The following TDRD12 variants were observed in gnomAD, a reference collection of about 807,000 sequenced individuals.
TDRD12 encodes putative ATP-dependent RNA helicase TDRD12.
In TDRD12, 158 loss-of-function variants were observed where a neutral mutation model predicts 133.5. The ratio of observed to expected loss-of-function variants is 1.18; its 90% CI spans 1.04 to 1.35. TDRD12 has a LOEUF of 1.35. Ranked by LOEUF, TDRD12 falls within the 40% of genes most tolerant of loss-of-function variation. The probability of loss-of-function intolerance (pLI) is 0.00; values close to 1 mark genes in which losing one functional copy is unlikely to be tolerated. For synonymous variants in TDRD12, 460 were observed against 477.9 expected, an observed-to-expected ratio of 0.96 and a Z score of 0.49; for missense variants, 1,443 against 1,321.3, an observed-to-expected ratio of 1.09 and a Z score of -1.43.
intron 10 of TDRD12, among the ~76,000 whole-genome samples, chr19:32,775,553 C>T (rs1970557724): frequency 6.6e-6 from 1 of 152,140 alleles, no homozygotes; most frequent in Non-Finnish European, 1.5e-5. Flanking sequence ...GGCTGGTCTC[C>T]AACTCCTGAG....
intron 2 of TDRD12, among the ~76,000 whole-genome samples, chr19:32,734,561 C>T (rs1276898253): frequency 3.3e-5 from 5 of 151,850 alleles, no homozygotes; most frequent in Non-Finnish European, 7.4e-5. Context: ...TTTGTGGTGA[C>T]AGGGTTTCGC....
chr19:32,727,231 C>T (rs185688192), intron 1 of TDRD12, among the ~76,000 whole-genome samples: 13 of 152,242 alleles, frequency 8.5e-5, no homozygotes, highest in South Asian at 4.1e-4. Context: ...GTATGTTGAG[C>T]GCCTTTTCAT....
rs114712047 is a variant in TDRD12 at position 32,798,270 on chromosome 19, G to A, written c.1631-38G>A. 2.6e-4 allele frequency: 390 copies of A among 1,514,132 alleles called. 1 individual carries two copies. The African/African-American group carries it at 4.6e-3, about 18-fold the overall frequency. 93.8% of individuals were successfully genotyped at this position (1,514,132 alleles called of 1,614,324 possible). On this transcript the variant is annotated intron_variant, in intron 15 of 27. Coordinates refer to ENST00000444215, the Ensembl canonical transcript of TDRD12. The stretch of plus-strand genomic sequence containing the variant: ...CAGAGGAAATCTTAGAAAAACCTGT[G>A]GAAAATTGAAAATGTTCACTTTTTT...
downstream of TDRD12, chr19:32,829,510 C>T (rs1481513773): frequency 1.3e-5 from 2 of 152,204 alleles, no homozygotes; most frequent in Non-Finnish European, 2.9e-5. Flanking sequence ...TCTAAAATCG[C>T]TCATGCTTAG....
At chr19:32,811,482 C>T (rs2145730070) in intron 24 of TDRD12, 62 bp downstream of exon 24, 6 of 1,407,192 alleles carry the variant, frequency 4.3e-6, no homozygotes, top group Non-Finnish European at 5.8e-6. Flanking sequence ...CGAGAATATA[C>T]ACAGAATTGA....
downstream of TDRD12, chr19:32,829,453 G>A (rs543038565): frequency 6.6e-6 from 1 of 152,258 alleles, no homozygotes; most frequent in African/African-American, 2.4e-5. Context: ...TTCAAGTTTT[G>A]GTCAAATATC....
At chr19:32,774,192 C>G (rs999679434) in intron 10 of TDRD12, among the ~76,000 whole-genome samples, 1 of 152,200 alleles carries the variant, frequency 6.6e-6, no homozygotes, top group South Asian at 2.1e-4. Flanking sequence ...CCCCTCGTGT[C>G]GTGGACTTTA....
intron 1 of TDRD12, among the ~76,000 whole-genome samples, chr19:32,724,381 C>A (rs1400869588): frequency 6.6e-6 from 1 of 152,050 alleles, no homozygotes; most frequent in Non-Finnish European, 1.5e-5. Context: ...ACTCTCCCTC[C>A]CCTCTGTCCC....
chr19:32,798,926 T>C (rs1971307264), intron 16 of TDRD12, among the ~76,000 whole-genome samples: 1 of 152,240 alleles, frequency 6.6e-6, no homozygotes, highest in Non-Finnish European at 1.5e-5. Flanking sequence ...CACCGCTTCC[T>C]GTTCCACAGC....
exon 9 of TDRD12, chr19:32,826,517 A>G (rs1967595140): frequency 4.8e-6 from 6 of 1,251,038 alleles, no homozygotes; most frequent in South Asian, 3.8e-5. Flanking sequence ...ATGACTGCCA[A>G]TGTGTGATTA....
At position 32,745,672 on chromosome 19, in the gene TDRD12, A is replaced by T. The variant is rs149207501; in HGVS notation, c.440+2772A>T. Among the ~76,000 whole-genome samples the T allele has an allele frequency of 6.1e-3, 854 of 141,110 alleles. 10 individuals are homozygous for T. Among genetic ancestry groups the T allele is most frequent in the African/African-American group, 0.022 (785 of 35,560 alleles). The allele number at this position is 141,110 out of a possible 152,430, so 92.6% of individuals were successfully genotyped here. A position where few individuals can be genotyped will look rare whatever the true frequency, so the allele number is the denominator to read the frequency against. On this transcript the variant is annotated intron_variant, in intron 4 of 27. Transcript: ENST00000444215. The stretch of plus-strand genomic sequence containing the variant: ...CTGATGTGGTTATTCTGTGTGTGTG[A>T]GAGAGAGGGAGAGACTGGCTGATGT...
intron 26 of TDRD12, among the ~76,000 whole-genome samples, chr19:32,817,292 C>T (rs1967212846): frequency 1.3e-5 from 2 of 152,068 alleles, no homozygotes. Context: ...CCAGAGTCCA[C>T]CCCCCGCCCA....
rs1255805958 is a variant in TDRD12, at chr19:32,790,984, G to A, written c.1203G>A (p.Leu401=). The A allele has an allele frequency of 3.3e-6, 5 of 1,535,922 alleles. No homozygotes were observed. The East Asian group carries it at 1.2e-4, about 38-fold the overall frequency. Reference sequence around the variant, plus strand: ...CTCAGTTGCAGAAGCTGAAGGGCCTGCAGCCGCCCGTGGTAGTGCTCCGGA... The same window carrying A: ...CTCAGTTGCAGAAGCTGAAGGGCCTACAGCCGCCCGTGGTAGTGCTCCGGA... The change falls in exon 13 of 28, where the codon CTG becomes CTA. Residue 401 remains leucine (L), a synonymous_variant. Coordinates refer to ENST00000444215, the Ensembl canonical transcript of TDRD12.
intron 1 of TDRD12, among the ~76,000 whole-genome samples, chr19:32,723,229 A>G (rs1356292070): frequency 6.6e-6 from 1 of 151,598 alleles, no homozygotes; most frequent in Non-Finnish European, 1.5e-5. Flanking sequence ...ACACTGTCTT[A>G]TTACTGTAGC....
chr19:32,777,645 CA>C (rs1318450520), intron 11 of TDRD12, among the ~76,000 whole-genome samples: 1 of 151,146 alleles, frequency 6.6e-6, no homozygotes, highest in Non-Finnish European at 1.5e-5. Context: ...AAAATATTTA[CA>C]TAGCAATTTT....
At position 32,723,273 on chromosome 19, in the gene TDRD12, C is replaced by T. The variant is rs956290650; in HGVS notation, c.24+3177C>T. 9.9e-5 allele frequency among the ~76,000 whole-genome samples: 15 copies of T among 151,092 alleles called. No individual in the cohort carries two copies. In the East Asian group the frequency reaches 1.4e-3, roughly 14 times the overall value. On this transcript the variant is annotated intron_variant, in intron 1 of 27. Coordinates refer to ENST00000444215, the Ensembl canonical transcript of TDRD12. The stretch of plus-strand genomic sequence containing the variant: ...TAACTATTTTGTTTTTTTTTTGAGA[C>T]GGAGTCTTGCTCTGTCCCCCAGGCT...
rs373893635 is a variant in TDRD12, at chr19:32,802,150, CATAT to C, written c.2197+286_2197+289del. ...CTATCATATATATGATATATATTAT[CATAT>C]ATATATATGATAATATATATCATAT... On this transcript the variant is annotated intron_variant, in intron 19 of 27. Transcript: ENST00000444215. Among the ~76,000 whole-genome samples the C allele has an allele frequency of 1.8e-4, 25 of 138,592 alleles. No homozygotes were observed. In the East Asian group the frequency reaches 4.5e-3, roughly 25 times the overall value. The allele number at this position is 138,592 out of a possible 152,430, so 90.9% of individuals were successfully genotyped here.
intron 10 of TDRD12, among the ~76,000 whole-genome samples, chr19:32,775,643 G>T (rs1343110243): frequency 1.3e-5 from 2 of 151,482 alleles, no homozygotes; most frequent in Non-Finnish European, 2.9e-5. Context: ...TATATTTCTT[G>T]TTTCTAAAAT....
At chr19:32,752,590 T>C (rs1484915336) in intron 6 of TDRD12, among the ~76,000 whole-genome samples, 1 of 152,164 alleles carries the variant, frequency 6.6e-6, no homozygotes, top group Non-Finnish European at 1.5e-5. Context: ...TGTATTTTAT[T>C]TGGGGAGTTA....
Sources: allele counts gnomAD v4.1 joint callset (sites outside exome capture counted in the v4.1 genomes callset), GRCh38; gene constraint gnomAD v4.1.1; transcripts MANE v1.5; gene names NCBI Gene and HGNC (gene_info 2026-07-23, HGNC 2026-07-21).